The following SFI1 variants were observed in gnomAD, a reference collection of about 807,000 sequenced individuals.
SFI1 encodes the protein SFI1 centrin binding protein, also known as protein SFI1 homolog.
In SFI1, 195 loss-of-function variants were observed where a neutral mutation model predicts 207.5. That is an observed-to-expected ratio of 0.94 (90% CI 0.84 to 1.06). The LOEUF (loss-of-function observed/expected upper bound fraction) is 1.06. Among genes scored for constraint, SFI1 ranks in the 50% least tolerant of loss-of-function variants. The pLI is 0.00. For synonymous variants in SFI1, 630 were observed against 598.9 expected (o/e 1.05, Z -0.76); for missense variants, 1,634 against 1,588.0 (o/e 1.03, Z -0.49).
rs919746518 is a variant in SFI1 at position 31,606,276 on chromosome 22, TTCTC to T, written c.2055-46_2055-43del. The T allele has an allele frequency of 1.1e-5, 17 of 1,533,202 alleles. No homozygotes were observed. In the African/African-American group the frequency reaches 2.2e-4, roughly 20 times the overall value. The allele number at this position is 1,533,202 out of a possible 1,614,324, so 95.0% of individuals were successfully genotyped here. A position where few individuals can be genotyped will look rare whatever the true frequency, so the allele number is the denominator to read the frequency against. On this transcript the variant is annotated intron_variant, in intron 20 of 32. Transcript: ENST00000400288. ...TAGGAATGATTCACAGAAGCCTCCC[TTCTC>T]TCTCTATCCTGGTGTCATCTGCCTT... is the stretch of plus-strand genomic sequence containing the variant.
intron 20 of SFI1, 42 bp downstream of exon 20, chr22:31,604,987 A>G: frequency 6.5e-7 from 1 of 1,533,240 alleles, no homozygotes; most frequent in Non-Finnish European, 8.8e-7. Flanking sequence ...CTGGGGAACA[A>G]GGAATGCACT....
At chr22:31,576,606 C>T (rs1244957834) in intron 10 of SFI1, among the ~76,000 whole-genome samples, 1 of 152,074 alleles carries the variant, frequency 6.6e-6, no homozygotes, top group Non-Finnish European at 1.5e-5. Flanking sequence ...CCGGCGTGAG[C>T]CACCGCGTCC....
chr22:31,506,224 T>G (rs2054615106), intron 1 of SFI1, among the ~76,000 whole-genome samples: 1 of 151,956 alleles, frequency 6.6e-6, no homozygotes. Context: ...ATTTTTGTAC[T>G]TTTAGTAGAG....
intron 13 of SFI1, 74 bp from the exon 14 acceptor site, chr22:31,584,994 G>C: frequency 7.5e-7 from 1 of 1,335,312 alleles, no homozygotes; most frequent in Non-Finnish European, 1.1e-6. Flanking sequence ...GGAAGTAACT[G>C]TACCGCAATT....
At chr22:31,513,373 G>A (rs996626539) in intron 2 of SFI1, among the ~76,000 whole-genome samples, 1 of 151,968 alleles carries the variant, frequency 6.6e-6, no homozygotes, top group African/African-American at 2.4e-5. Flanking sequence ...TGCCTAGGCT[G>A]GTCTTGAACT....
chr22:31,539,605 C>A (rs2059294504), intron 4 of SFI1, among the ~76,000 whole-genome samples: 1 of 152,006 alleles, frequency 6.6e-6, no homozygotes, highest in South Asian at 2.1e-4. Flanking sequence ...CTTCTAAGAT[C>A]CTTTTTTCTT....
At chr22:31,613,097 C>T in intron 24 of SFI1, 45 bp from the exon 25 acceptor site, 2 of 1,599,504 alleles carry the variant, frequency 1.3e-6, no homozygotes, top group Non-Finnish European at 8.5e-7. Flanking sequence ...ACCACGGCCT[C>T]CTTGAAGGGG....
intron 23 of SFI1, among the ~76,000 whole-genome samples, 183 bp from the exon 24 acceptor site, chr22:31,611,583 G>A (rs1212508502): frequency 1.3e-5 from 2 of 152,212 alleles, no homozygotes; most frequent in African/African-American, 4.8e-5. Context: ...CAGTGCTGGG[G>A]GACCTACAGA....
intron 8 of SFI1, 105 bp downstream of exon 8, chr22:31,561,497 G>T (rs745598759): frequency 4.7e-5 from 44 of 945,782 alleles, no homozygotes; most frequent in South Asian, 2.1e-4. Context: ...GGCCTGAGAG[G>T]GGGTGGGGAC....
In SFI1 at chr22:31,602,200, C is replaced by G; in HGVS notation, c.1545-12C>G. ...TTGTTTTAAGTGCTTTACATTCTTC[C>G]TTGTTTTTTAGGGAGACATTAGAGA... On this transcript the variant is annotated splice_polypyrimidine_tract_variant and intron_variant, in intron 15 of 32. Transcript: ENST00000400288. 6.2e-7 allele frequency: 1 copy of G among 1,610,106 alleles called. No individual in the cohort carries two copies. The highest frequency in any genetic ancestry group is 8.5e-7 in the Non-Finnish European group (1 of 1,176,322).
chr22:31,549,994 C>T (rs2060477492), intron 5 of SFI1, among the ~76,000 whole-genome samples: 1 of 151,790 alleles, frequency 6.6e-6, no homozygotes, highest in African/African-American at 2.4e-5. Flanking sequence ...CAGTGGCATG[C>T]GATCTCGGCT....
At chr22:31,505,395 C>T (rs888131522) in intron 1 of SFI1, among the ~76,000 whole-genome samples, 2 of 151,046 alleles carry the variant, frequency 1.3e-5, no homozygotes, top group Non-Finnish European at 2.9e-5. Flanking sequence ...GCCTAGATTG[C>T]ACCACTGCAT....
chr22:31,548,381 C>T (rs2147944052), intron 5 of SFI1, among the ~76,000 whole-genome samples: 1 of 151,486 alleles, frequency 6.6e-6, no homozygotes, highest in Admixed American at 6.6e-5. Context: ...ACCAGCCTGG[C>T]CAACATTGGT....
At chr22:31,551,531 C>T (rs151250318) in intron 6 of SFI1, among the ~76,000 whole-genome samples, 25 of 152,274 alleles carry the variant, frequency 1.6e-4, no homozygotes, top group African/African-American at 5.8e-4. Context: ...TTAATACATA[C>T]AGTAAGATTC....
chr22:31,571,259 G>GGT (rs1175888274), intron 8 of SFI1, among the ~76,000 whole-genome samples: 1 of 152,124 alleles, frequency 6.6e-6, no homozygotes, highest in Non-Finnish European at 1.5e-5. Context: ...TCATAGAAAA[G>GGT]GTGGATACTG....
chr22:31,613,878 G>A (rs987254207), intron 27 of SFI1, 23 bp downstream of exon 27: 1 of 1,569,490 alleles, frequency 6.4e-7, no homozygotes, highest in African/African-American at 1.4e-5. Context: ...TGCTCACCTT[G>A]TCCTCGCTTC....
chr22:31,522,064 CTTTTTTTTTT>C (rs752422385), intron 2 of SFI1, among the ~76,000 whole-genome samples: 3 of 76,382 alleles, frequency 3.9e-5, no homozygotes, highest in East Asian at 7.6e-4. Context: ...TACACCTGGC[CTTTTTTTTTT>C]TTTTTTTTTT....
rs536453747 is a variant in SFI1, at chr22:31,517,673, G to A, written c.92+9297G>A. ...GACCCTATTTCTTTTTTTTTCACATGGGTATGTAATTGTCCTAGCACAGTT... is the reference window on the plus strand; with the variant it reads ...GACCCTATTTCTTTTTTTTTCACATAGGTATGTAATTGTCCTAGCACAGTT... On this transcript the variant is annotated intron_variant, in intron 2 of 32. Coordinates refer to ENST00000400288, the MANE Select transcript of SFI1 (RefSeq NM_001007467.3). Among the ~76,000 whole-genome samples the A allele has an allele frequency of 3.3e-5, 5 of 151,738 alleles. No homozygotes were observed. The South Asian group carries it at 8.3e-4, about 25-fold the overall frequency.
At chr22:31,593,798 G>A (rs909713813) in intron 15 of SFI1, among the ~76,000 whole-genome samples, 20 of 149,768 alleles carry the variant, frequency 1.3e-4, no homozygotes, top group African/African-American at 4.2e-4. Context: ...GCTGGAGACC[G>A]GCCCGGCCAA....
Sources: allele counts gnomAD v4.1 joint callset (sites outside exome capture counted in the v4.1 genomes callset), GRCh38; gene constraint gnomAD v4.1.1; transcripts MANE v1.5; gene names NCBI Gene and HGNC (gene_info 2026-07-23, HGNC 2026-07-21).